Variants in CDH13 observed in about 807,000 individuals in gnomAD.
The protein encoded by CDH13 is cadherin-13.
A neutral mutation model predicts 63.8 loss-of-function variants in CDH13; 24 were observed. The ratio of observed to expected loss-of-function variants is 0.38; its 90% CI spans 0.27 to 0.53. CDH13 has a LOEUF of 0.53. Among genes scored for constraint, CDH13 ranks in the 20% least tolerant of loss-of-function variants. The probability of loss-of-function intolerance (pLI) is 0.85; values close to 1 mark genes in which losing one functional copy is unlikely to be tolerated. For synonymous variants in CDH13, 503 were observed against 355.3 expected (o/e 1.42, Z -4.67); for missense variants, 1,049 against 903.1 (o/e 1.16, Z -2.07).
intron 8 of CDH13, among the ~76,000 whole-genome samples, chr16:83,646,362 A>C (rs1267285847): frequency 6.6e-6 from 1 of 152,150 alleles, no homozygotes; most frequent in Non-Finnish European, 1.5e-5. Context: ...TCCACTAATA[A>C]GCTTTCTGTT....
chr16:83,198,877 G>A lies in CDH13; in HGVS notation c.484-18468G>A, dbSNP rs370981409. Among the ~76,000 whole-genome samples, 3 of 152,130 alleles carry A rather than the reference G, an allele frequency of 2.0e-5. No individual in the cohort carries two copies. The East Asian group carries it at 5.8e-4, about 29-fold the overall frequency. ...CTGTGGTACTAAAATTAAATAATGG[G>A]GTTTTTTTTAAAGACAGAATTGTGA... is the stretch of plus-strand genomic sequence containing the variant. On this transcript the variant is annotated intron_variant, in intron 4 of 13. Coordinates refer to ENST00000567109, the MANE Select transcript of CDH13 (RefSeq NM_001257.5).
At chr16:83,193,614 C>G (rs1304118347) in intron 4 of CDH13, among the ~76,000 whole-genome samples, 2 of 152,190 alleles carry the variant, frequency 1.3e-5, no homozygotes, top group African/African-American at 2.4e-5. Flanking sequence ...GTGCAAGAGT[C>G]AAGTTCAAAA....
At chr16:82,833,492 A>G (rs891822709) in intron 1 of CDH13, among the ~76,000 whole-genome samples, 3 of 152,218 alleles carry the variant, frequency 2.0e-5, no homozygotes, top group Non-Finnish European at 2.9e-5. Flanking sequence ...TCTGATCCCC[A>G]TGAATTCACT....
intron 2 of CDH13, among the ~76,000 whole-genome samples, chr16:82,980,521 C>G (rs1375248592): frequency 6.6e-6 from 1 of 152,220 alleles, no homozygotes; most frequent in Non-Finnish European, 1.5e-5. Flanking sequence ...TACTTTAAAA[C>G]TAATGCAAAT....
intron 4 of CDH13, among the ~76,000 whole-genome samples, chr16:83,184,644 A>C (rs142884531): frequency 0.013 from 1,908 of 152,204 alleles, 30 homozygotes; most frequent in African/African-American, 0.042. Context: ...AGTCCCAGCT[A>C]CTCAGGAGGC....
At chr16:82,823,358 G>T (rs541206241) in intron 1 of CDH13, 1 of 151,954 alleles carries the variant, frequency 6.6e-6, no homozygotes, top group Non-Finnish European at 1.5e-5. Context: ...ATAATCTGAC[G>T]CAGTTACCTA....
At chr16:82,863,122 A>G (rs748359272) in intron 2 of CDH13, among the ~76,000 whole-genome samples, 1 of 152,240 alleles carries the variant, frequency 6.6e-6, no homozygotes, top group Non-Finnish European at 1.5e-5. Flanking sequence ...CAAAGATCCT[A>G]ACAAAATGAT....
chr16:83,058,560 G>C (rs928942486), intron 3 of CDH13, among the ~76,000 whole-genome samples: 3 of 152,166 alleles, frequency 2.0e-5, no homozygotes, highest in Non-Finnish European at 4.4e-5. Flanking sequence ...GGCATAGCTG[G>C]TGAGGGCTGG....
intron 1 of CDH13, among the ~76,000 whole-genome samples, chr16:82,654,734 A>T (rs1320702499): frequency 1.3e-5 from 2 of 148,562 alleles, no homozygotes; most frequent in South Asian, 2.2e-4. Flanking sequence ...TTAAATAAGG[A>T]TTTTTTTTTT....
chr16:83,180,749 TA>T (rs112586104), intron 4 of CDH13: 11 of 694,276 alleles, frequency 1.6e-5, no homozygotes, highest in African/African-American at 1.1e-4. Context: ...ACGGTCACTC[TA>T]GGTAATGTTC....
chr16:82,979,244 A>T (rs1207171917), intron 2 of CDH13, among the ~76,000 whole-genome samples: 3 of 152,146 alleles, frequency 2.0e-5, no homozygotes, highest in Non-Finnish European at 4.4e-5. Context: ...CTCGTCTCAG[A>T]TGAGACTATG....
intron 2 of CDH13, among the ~76,000 whole-genome samples, chr16:83,028,483 C>T (rs1354493252): frequency 6.6e-6 from 1 of 152,130 alleles, no homozygotes; most frequent in Admixed American, 6.5e-5. Flanking sequence ...TGGGCAGGAA[C>T]ATGAAAACAG....
intron 3 of CDH13, among the ~76,000 whole-genome samples, chr16:83,045,634 TA>T (rs71382861): frequency 0.018 from 1,911 of 107,782 alleles, 27 homozygotes; most frequent in African/African-American, 0.059. Context: ...AAGATTCCTT[TA>T]AAAAAAAAAA....
intron 6 of CDH13, among the ~76,000 whole-genome samples, chr16:83,361,839 G>C (rs576755453): frequency 6.6e-6 from 1 of 152,182 alleles, no homozygotes; most frequent in African/African-American, 2.4e-5. Context: ...GCTTACAGTA[G>C]AGTTTAAAGT....
At chr16:82,890,115 G>T (rs2041026725) in intron 2 of CDH13, among the ~76,000 whole-genome samples, 1 of 152,196 alleles carries the variant, frequency 6.6e-6, no homozygotes, top group African/African-American at 2.4e-5. Flanking sequence ...CGTGATTCTA[G>T]AGACACCAAT....
chr16:83,214,880 C>A (rs2039450415), intron 4 of CDH13, among the ~76,000 whole-genome samples: 2 of 151,920 alleles, frequency 1.3e-5, no homozygotes, highest in Admixed American at 1.3e-4. Context: ...CAACATATAG[C>A]TGTCTAATCC....
intron 2 of CDH13, among the ~76,000 whole-genome samples, chr16:82,964,065 T>C (rs974104109): frequency 4.6e-5 from 7 of 152,134 alleles, no homozygotes; most frequent in Admixed American, 2.0e-4. Flanking sequence ...GCCGTGACTC[T>C]GGATTTGTAC....
At chr16:83,267,050 C>CT (rs984977884) in intron 5 of CDH13, among the ~76,000 whole-genome samples, 8 of 152,160 alleles carry the variant, frequency 5.3e-5, no homozygotes, top group African/African-American at 1.9e-4. Flanking sequence ...CTCAGCCTTG[C>CT]TTTTTTTTCT....
At chr16:83,266,420 G>A (rs777603737) in intron 5 of CDH13, among the ~76,000 whole-genome samples, 2 of 152,172 alleles carry the variant, frequency 1.3e-5, no homozygotes, top group Non-Finnish European at 2.9e-5. Flanking sequence ...TGAAATTGTA[G>A]CCATTGTTAA....
Sources: gnomAD v4.1 joint callset for allele counts (sites outside exome capture counted in the v4.1 genomes callset) on GRCh38, gnomAD v4.1.1 for gene constraint, MANE v1.5 for transcripts, NCBI Gene and HGNC (gene_info 2026-07-23, HGNC 2026-07-21) for gene names.